Variants in SAMD3 observed in about 807,000 individuals in gnomAD.
SAMD3 encodes sterile alpha motif domain-containing protein 3.
SAMD3 carries 63 observed loss-of-function variants against 58.5 expected under a neutral mutation model. The observed-to-expected ratio is 1.08, with a 90% confidence interval of 0.88 to 1.33. The LOEUF (loss-of-function observed/expected upper bound fraction) is 1.33. SAMD3 is among the 40% of genes most tolerant of loss of function. The pLI is 0.00. For synonymous variants in SAMD3, 220 were observed against 210.3 expected, an observed-to-expected ratio of 1.05 and a Z score of -0.40; for missense variants, 604 against 608.4, an observed-to-expected ratio of 0.99 and a Z score of 0.08.
At chr6:130,337,781 C>A (rs1045563445) in intron 1 of SAMD3, among the ~76,000 whole-genome samples, 2 of 152,212 alleles carry the variant, frequency 1.3e-5, no homozygotes, top group South Asian at 4.1e-4. Flanking sequence ...TTTGCCCGTG[C>A]CGTAGAGATC....
Position 130,175,929 on chromosome 6 carries a change from T to C in SAMD3, c.734A>G (p.Asn245Ser), listed in dbSNP as rs749997762. 2 of 1,613,370 alleles carry C rather than the reference T, an allele frequency of 1.2e-6. No homozygotes were observed. The highest frequency in any genetic ancestry group is 1.3e-5 in the African/African-American group (1 of 75,018). ...TCTTCGGTGTCCAAATTTACACTTATTTCTAATCACTTGCTCATCATCTTC... is the reference window on the plus strand; with the variant it reads ...TCTTCGGTGTCCAAATTTACACTTACTTCTAATCACTTGCTCATCATCTTC... ...PIEDDEQVIR[N>S]KCKFGHRRGQ... The change falls in exon 8 of 12, where the codon AAT (asparagine) becomes AGT (serine). Residue 245 changes from asparagine to serine, a missense_variant. Physicochemically the swap from Asn to Ser is conservative, Grantham distance 46. Coordinates refer to ENST00000439090, the MANE Select transcript of SAMD3 (RefSeq NM_001017373.4).
In SAMD3 at chr6:130,146,176, G is replaced by T; in HGVS notation, c.1029C>A (p.Phe343Leu). Residue 343 changes from phenylalanine to leucine, a missense_variant, in exon 10 of 12, where the codon TTC (phenylalanine) becomes TTA (leucine). Phe to Leu is a conservative substitution (Grantham distance 22, BLOSUM62 0). Coordinates refer to ENST00000439090, the MANE Select transcript of SAMD3 (RefSeq NM_001017373.4). ...FPFLKCPYQMFREFQLLTRTD... is the reference protein window; with the variant it reads ...FPFLKCPYQMLREFQLLTRTD... The stretch of plus-strand genomic sequence containing the variant: ...TTCTTGTAAGAAGTTGGAATTCTCT[G>T]AACATCTGACAAAAGAAGAAAGCAA... 6.4e-7 allele frequency: 1 copy of T among 1,565,516 alleles called. No homozygotes were observed. Among genetic ancestry groups the T allele is most frequent in the South Asian group, 1.2e-5 (1 of 81,976 alleles).
At chr6:130,228,572 T>A (rs944802418) in intron 2 of SAMD3, among the ~76,000 whole-genome samples, 5 of 152,188 alleles carry the variant, frequency 3.3e-5, no homozygotes, top group Admixed American at 6.5e-5. Flanking sequence ...TCATAGGTAT[T>A]TTTTAAAGCT....
At chr6:130,239,597 T>C (rs1028788676) in intron 2 of SAMD3, among the ~76,000 whole-genome samples, 9 of 152,032 alleles carry the variant, frequency 5.9e-5, no homozygotes, top group African/African-American at 2.2e-4. Context: ...ATTTGAACAC[T>C]GTAGAGGGGA....
At chr6:130,183,132 C>T (rs534012498) in intron 7 of SAMD3, 145 of 317,702 alleles carry the variant, frequency 4.6e-4, no homozygotes, top group African/African-American at 2.4e-3. Context: ...GAAACGTCAG[C>T]GGCAGTGGTT....
chr6:130,294,901 T>C (rs1357267206), intron 2 of SAMD3, among the ~76,000 whole-genome samples: 2 of 146,612 alleles, frequency 1.4e-5, no homozygotes, highest in African/African-American at 2.6e-5. Context: ...TTTCCATACA[T>C]TTCTCTGATT....
At chr6:130,184,008 G>T (rs1792668276) in intron 7 of SAMD3, 95 bp downstream of exon 7, 1 of 914,030 alleles carries the variant, frequency 1.1e-6, no homozygotes. Context: ...GAGACACCAA[G>T]AAAAGATGGG....
At chr6:130,196,776 A>G (rs994941914) in intron 5 of SAMD3, among the ~76,000 whole-genome samples, 65 of 152,354 alleles carry the variant, frequency 4.3e-4, no homozygotes, top group African/African-American at 1.3e-3. Context: ...GCCCCGAGTC[A>G]GATAACTAAA....
intron 5 of SAMD3, among the ~76,000 whole-genome samples, chr6:130,187,948 T>A (rs1370175705): frequency 6.6e-6 from 1 of 152,200 alleles, no homozygotes; most frequent in Admixed American, 6.5e-5. Context: ...GGCCCCCGGC[T>A]AACTGAATCA....
intron 5 of SAMD3, among the ~76,000 whole-genome samples, chr6:130,185,202 A>G (rs995335460): frequency 2.0e-5 from 3 of 152,264 alleles, no homozygotes; most frequent in Non-Finnish European, 2.9e-5. Context: ...ACAGAAAACT[A>G]TAACTACAGA....
At chr6:130,230,281 G>C (rs922342751) in intron 2 of SAMD3, among the ~76,000 whole-genome samples, 27 of 152,326 alleles carry the variant, frequency 1.8e-4, no homozygotes, top group African/African-American at 5.5e-4. Flanking sequence ...AAACCCAGCA[G>C]TAACAGCTGG....
chr6:130,346,844 T>C (rs908244371), intron 1 of SAMD3, among the ~76,000 whole-genome samples: 1 of 152,154 alleles, frequency 6.6e-6, no homozygotes, highest in Non-Finnish European at 1.5e-5. Flanking sequence ...AGGGGTGGAC[T>C]GACACCTCAC....
At chr6:130,347,461 G>A (rs1449642830) in intron 1 of SAMD3, among the ~76,000 whole-genome samples, 2 of 152,174 alleles carry the variant, frequency 1.3e-5, no homozygotes, top group East Asian at 3.8e-4. Context: ...TCAATCAACT[G>A]GAAGAAAGGG....
intron 2 of SAMD3, among the ~76,000 whole-genome samples, chr6:130,229,484 T>C (rs533045655): frequency 6.6e-6 from 1 of 152,282 alleles, no homozygotes; most frequent in East Asian, 1.9e-4. Flanking sequence ...TAAATTCCCA[T>C]GAAACAGTGG....
chr6:130,238,299 G>T (rs928423445), intron 2 of SAMD3, among the ~76,000 whole-genome samples: 1 of 151,962 alleles, frequency 6.6e-6, no homozygotes, highest in Admixed American at 6.6e-5. Context: ...TATTAAAAAC[G>T]AAAAAATATT....
intron 2 of SAMD3, among the ~76,000 whole-genome samples, chr6:130,253,805 T>C (rs555050268): frequency 6.6e-6 from 1 of 152,092 alleles, no homozygotes; most frequent in Non-Finnish European, 1.5e-5. Flanking sequence ...TTATACCTCT[T>C]TTATGTGATT....
Position 130,266,783 on chromosome 6 carries a change from C to T in SAMD3, c.-187-43970G>A, listed in dbSNP as rs115510189. ...ACTGCCCGTAAAAACAGGCGAACTC[C>T]TAGGCTTCCCTGCCTATGCTTCTTG... On this transcript the variant is annotated intron_variant, in intron 2 of 13. Transcript: ENST00000368134. Among the ~76,000 whole-genome samples the T allele has an allele frequency of 3.9e-3, 594 of 152,228 alleles. 6 individuals are homozygous for T. The highest frequency in any genetic ancestry group is 0.014 in the African/African-American group (571 of 41,530).
At chr6:130,253,456 C>T (rs1773813930) in intron 2 of SAMD3, among the ~76,000 whole-genome samples, 1 of 151,890 alleles carries the variant, frequency 6.6e-6, no homozygotes. Context: ...AGGTATTTAC[C>T]TTGTGTGTTA....
At chr6:130,149,413 A>G (rs1788932989) in intron 9 of SAMD3, among the ~76,000 whole-genome samples, 1 of 152,244 alleles carries the variant, frequency 6.6e-6, no homozygotes, top group African/African-American at 2.4e-5. Context: ...ACGCATGCAC[A>G]CATATATTCA....
Sources: allele counts gnomAD v4.1 joint callset (sites outside exome capture counted in the v4.1 genomes callset), GRCh38; gene constraint gnomAD v4.1.1; transcripts MANE v1.5; gene names NCBI Gene and HGNC (gene_info 2026-07-23, HGNC 2026-07-21).